Variants in PCDH15 observed in about 807,000 individuals in gnomAD.
PCDH15 encodes protocadherin-15.
A neutral mutation model predicts 178.5 loss-of-function variants in PCDH15; 129 were observed. The observed-to-expected ratio is 0.72, with a 90% CI of 0.63 to 0.84. PCDH15 has a LOEUF of 0.84. Ranked by LOEUF, PCDH15 falls within the 40% of genes least tolerant of loss-of-function variation. The probability of loss-of-function intolerance (pLI) is 0.00; values close to 1 mark genes in which losing one functional copy is unlikely to be tolerated. For missense variants in PCDH15, 2,230 were observed against 2,099.9 expected, an observed-to-expected ratio of 1.06 and a Z score of -1.21; for synonymous variants, 800 against 732.0, an observed-to-expected ratio of 1.09 and a Z score of -1.50.
In PCDH15 at chr10:54,629,215, C is replaced by A. The variant is rs200174655; in HGVS notation, c.91+34957G>T. On this transcript the variant is annotated intron_variant, in intron 2 of 37. Coordinates refer to ENST00000644397, the MANE Select transcript of PCDH15 (RefSeq NM_001384140.1). ...ATCATTTTTGTACTTGGCAATAAGG[C>A]AATTACTTAAAAAAAGTTAGCTAAT... Among the ~76,000 whole-genome samples the A allele has an allele frequency of 5.3e-5, 8 of 151,882 alleles. No individual in the cohort carries two copies. The East Asian group carries it at 1.2e-3, about 22-fold the overall frequency.
intron 2 of PCDH15, among the ~76,000 whole-genome samples, chr10:55,013,226 T>C (rs1840088834): frequency 6.6e-6 from 1 of 152,176 alleles, no homozygotes; most frequent in Non-Finnish European, 1.5e-5. Flanking sequence ...CATGAGATGA[T>C]ATGAAACTGC....
chr10:54,243,276 A>T (rs11004163), intron 8 of PCDH15, among the ~76,000 whole-genome samples: 4 of 152,138 alleles, frequency 2.6e-5, no homozygotes, highest in Non-Finnish European at 5.9e-5. Context: ...TTGGGAGGCC[A>T]AGGCGGGCAG....
chr10:54,372,601 C>T (rs1036510327), intron 4 of PCDH15, among the ~76,000 whole-genome samples: 1 of 151,820 alleles, frequency 6.6e-6, no homozygotes, highest in Non-Finnish European at 1.5e-5. Context: ...TTTAGGGACT[C>T]TAAGATGCTT....
At chr10:54,386,100 T>TTGTGTGTGTGTGTG (rs60205554) in intron 3 of PCDH15, among the ~76,000 whole-genome samples, 1 of 139,786 alleles carries the variant, frequency 7.2e-6, no homozygotes, top group Admixed American at 7.3e-5. Context: ...TAGTTATTAG[T>TTGTGTGTGTGTGTG]TGTGTGTGTG....
intron 2 of PCDH15, among the ~76,000 whole-genome samples, chr10:55,071,729 T>G (rs369481134): frequency 3.9e-5 from 6 of 152,106 alleles, no homozygotes; most frequent in East Asian, 3.9e-4. Context: ...ATTGAACTCA[T>G]CTCTGCACCA....
rs1196940553 is a variant in PCDH15 at position 54,642,115 on chromosome 10, A to G, written c.91+22057T>C. ...GGGCTCTTTGGGAGATAATTAGGTC[A>G]TGAGACCACAGCCCTTATGAGTGGG... is the stretch of plus-strand genomic sequence containing the variant. On this transcript the variant is annotated intron_variant, in intron 2 of 37. Transcript: ENST00000644397. 3.3e-5 allele frequency among the ~76,000 whole-genome samples: 5 copies of G among 151,976 alleles called. 1 individual carries two copies. In the South Asian group the frequency reaches 6.2e-4, roughly 19 times the overall value.
At chr10:55,417,746 A>G (rs1214763309) in intron 2 of PCDH15, among the ~76,000 whole-genome samples, 1 of 151,360 alleles carries the variant, frequency 6.6e-6, no homozygotes, top group East Asian at 1.9e-4. Context: ...TTGAGGATAT[A>G]TTCCAGCAAA....
At chr10:55,187,607 C>T (rs1342398282) in intron 1 of PCDH15, among the ~76,000 whole-genome samples, 5 of 151,954 alleles carry the variant, frequency 3.3e-5, no homozygotes, top group Admixed American at 3.3e-4. Flanking sequence ...GGGTTTTGAC[C>T]ATGGCCCAAT....
intron 3 of PCDH15, among the ~76,000 whole-genome samples, chr10:54,840,868 C>T (rs753991082): frequency 2.6e-5 from 4 of 151,522 alleles, no homozygotes; most frequent in Non-Finnish European, 5.9e-5. Flanking sequence ...ATTGATTCAT[C>T]GAGAGGATAT....
chr10:54,687,598 A>G (rs2095037350), intron 1 of PCDH15, among the ~76,000 whole-genome samples: 1 of 152,134 alleles, frequency 6.6e-6, no homozygotes, highest in Admixed American at 6.6e-5. Flanking sequence ...CTGTTAAGTC[A>G]GCTTAGGAAA....
chr10:54,220,342 A>G (rs1193764378), intron 9 of PCDH15, among the ~76,000 whole-genome samples: 1 of 152,234 alleles, frequency 6.6e-6, no homozygotes, highest in Non-Finnish European at 1.5e-5. Context: ...CAACACTCAC[A>G]GAAGTTAAGT....
intron 2 of PCDH15, among the ~76,000 whole-genome samples, chr10:54,994,551 T>C (rs1308851277): frequency 6.6e-6 from 1 of 152,178 alleles, no homozygotes; most frequent in Non-Finnish European, 1.5e-5. Context: ...TAGTTTTATT[T>C]TCAGATTATA....
At chr10:55,038,522 A>C (rs1275042024) in intron 2 of PCDH15, among the ~76,000 whole-genome samples, 2 of 152,218 alleles carry the variant, frequency 1.3e-5, no homozygotes, top group African/African-American at 2.4e-5. Context: ...AAAACTGGAA[A>C]ACATTCAAAA....
chr10:54,883,188 G>C (rs1564600457), intron 3 of PCDH15, among the ~76,000 whole-genome samples: 1 of 151,908 alleles, frequency 6.6e-6, no homozygotes, highest in Non-Finnish European at 1.5e-5. Context: ...ATTTATTCTG[G>C]CTTATATTCA....
intron 32 of PCDH15, chr10:53,821,751 G>T: frequency 6.4e-7 from 1 of 1,551,598 alleles, no homozygotes. Context: ...GCATTTCATT[G>T]AATTTGGGGT....
At chr10:54,320,310 A>T (rs2061519126) in intron 7 of PCDH15, among the ~76,000 whole-genome samples, 1 of 152,052 alleles carries the variant, frequency 6.6e-6, no homozygotes, top group South Asian at 2.1e-4. Context: ...TTTGACTCCT[A>T]GAAACCTAGT....
intron 2 of PCDH15, among the ~76,000 whole-genome samples, chr10:55,566,286 A>C (rs1320821913): frequency 6.6e-6 from 1 of 151,698 alleles, no homozygotes; most frequent in African/African-American, 2.4e-5. Context: ...ACACTCAACA[A>C]AGTAGAAATA....
intron 2 of PCDH15, among the ~76,000 whole-genome samples, chr10:54,539,632 A>G (rs755634232): frequency 1.8e-3 from 269 of 152,290 alleles, no homozygotes; most frequent in Non-Finnish European, 3.1e-3. Context: ...AATTGAGCAT[A>G]ATTGATGTTT....
rs71014444 is a variant in PCDH15 at position 55,052,537 on chromosome 10, C to CAAAAAAAAAAAAAAAAAAAA, written c.-80+114019_-80+114038dup. The stretch of plus-strand genomic sequence containing the variant: ...AACATGGCGAAAACCCCGTCTCATA[C>CAAAAAAAAAAAAAAAAAAAA]AAAAAAAAAAAAAAAAAAAAAAAAA... On this transcript the variant is annotated intron_variant, in intron 2 of 5. Transcript: ENST00000458638. Among the ~76,000 whole-genome samples the CAAAAAAAAAAAAAAAAAAAA allele has an allele frequency of 1.0e-4, 4 of 39,362 alleles. 1 individual carries two copies. Among genetic ancestry groups the CAAAAAAAAAAAAAAAAAAAA allele is most frequent in the African/African-American group, 3.5e-4 (4 of 11,390 alleles). 25.8% of individuals were successfully genotyped at this position (39,362 alleles called of 152,430 possible).
Sources: gnomAD v4.1 joint callset for allele counts (sites outside exome capture counted in the v4.1 genomes callset) on GRCh38, gnomAD v4.1.1 for gene constraint, MANE v1.5 for transcripts, NCBI Gene and HGNC (gene_info 2026-07-23, HGNC 2026-07-21) for gene names.